The following MLLT10 variants were observed in gnomAD, a reference collection of about 807,000 sequenced individuals.
MLLT10 encodes MLLT10 histone lysine methyltransferase DOT1L cofactor.
A neutral mutation model predicts 129.1 loss-of-function variants in MLLT10; 30 were observed. The ratio of observed to expected loss-of-function variants is 0.23; its 90% CI spans 0.17 to 0.32. The LOEUF is 0.32. Ranked by LOEUF, MLLT10 falls within the 10% of genes least tolerant of loss-of-function variation. MLLT10 has a pLI of 1.00. For synonymous variants in MLLT10, 490 were observed against 446.4 expected (o/e 1.10, Z -1.23); for missense variants, 1,119 against 1,268.3 (o/e 0.88, Z 1.79).
At chr10:21,727,952 G>T in intron 16 of MLLT10, 24 bp downstream of exon 16, 2 of 1,606,644 alleles carry the variant, frequency 1.2e-6, no homozygotes, top group East Asian at 4.5e-5. Context: ...ACACTGCAAA[G>T]TATAGGCAAA....
At chr10:21,564,555 A>T (rs1256157120) in intron 3 of MLLT10, 2 of 151,618 alleles carry the variant, frequency 1.3e-5, no homozygotes, top group Non-Finnish European at 2.9e-5. Flanking sequence ...CAATTTTGGT[A>T]TATGTGCTGT....
chr10:21,726,404 T>C (rs1294990594), intron 15 of MLLT10, 49 bp downstream of exon 15: 7 of 1,338,942 alleles, frequency 5.2e-6, no homozygotes, highest in Non-Finnish European at 7.4e-6. Flanking sequence ...TCACCTACTT[T>C]AATTTTTTTC....
intron 8 of MLLT10, chr10:21,625,744 C>G: frequency 1.3e-6 from 1 of 768,602 alleles, no homozygotes. Flanking sequence ...ATGTTGTTTA[C>G]CAGGGCGAAT....
At chr10:21,538,789 GT>G (rs756203559) in intron 2 of MLLT10, 43 bp from the exon 3 acceptor site, 31 of 1,453,276 alleles carry the variant, frequency 2.1e-5, no homozygotes, top group Non-Finnish European at 2.8e-5. Context: ...TTTTTCCATA[GT>G]TCTTCGAATC....
chr10:21,632,235 G>A (rs2047076536), intron 8 of MLLT10, among the ~76,000 whole-genome samples: 1 of 152,156 alleles, frequency 6.6e-6, no homozygotes, highest in South Asian at 2.1e-4. Flanking sequence ...GAAATAGAAT[G>A]TTATGGCTAA....
intron 5 of MLLT10, among the ~76,000 whole-genome samples, chr10:21,605,335 A>G (rs1014772264): frequency 5.3e-5 from 8 of 152,158 alleles, no homozygotes; most frequent in Non-Finnish European, 1.2e-4. Flanking sequence ...TCAGGTTTGC[A>G]TCATGGTGGT....
intron 2 of MLLT10, 73 bp downstream of exon 2, chr10:21,534,877 A>G (rs1401366750): frequency 1.9e-6 from 2 of 1,080,926 alleles, no homozygotes; most frequent in East Asian, 1.1e-4. Flanking sequence ...CCTGGGCCGC[A>G]ACCGCCGGCG....
chr10:21,556,715 T>C (rs772328795), intron 3 of MLLT10: 5 of 1,612,414 alleles, frequency 3.1e-6, no homozygotes, highest in Non-Finnish European at 4.2e-6. Context: ...TCACTGCGCA[T>C]GTGCATCTCC....
chr10:21,582,319 C>T (rs2131077939), intron 3 of MLLT10, among the ~76,000 whole-genome samples: 1 of 152,042 alleles, frequency 6.6e-6, no homozygotes, highest in African/African-American at 2.4e-5. Flanking sequence ...AGGGTTTCAC[C>T]ATGTTGGCCA....
chr10:21,639,055 C>T (rs1408965947), intron 8 of MLLT10, among the ~76,000 whole-genome samples: 3 of 152,288 alleles, frequency 2.0e-5, no homozygotes, highest in African/African-American at 7.2e-5. Context: ...ATTAATTGGC[C>T]TGTGAGGCCT....
In MLLT10 at chr10:21,654,112, AG is replaced by A. The variant is rs1297382087; in HGVS notation, c.795+2346del. On this transcript the variant is annotated intron_variant, in intron 9 of 22. Transcript: ENST00000307729. ...AGGACTAGCCCTTTTAGTCATTTGG[AG>A]GTCATTACTGACCTTGAACAGTTTT... is the stretch of plus-strand genomic sequence containing the variant. Among the ~76,000 whole-genome samples, 4 of 152,306 alleles carry A rather than the reference AG, an allele frequency of 2.6e-5. No homozygotes were observed. In the East Asian group the frequency reaches 7.7e-4, roughly 29 times the overall value.
chr10:21,697,389 C>G (rs2054484215), intron 13 of MLLT10, among the ~76,000 whole-genome samples: 1 of 152,130 alleles, frequency 6.6e-6, no homozygotes, highest in Admixed American at 6.6e-5. Context: ...TCGCTTGAAC[C>G]TGGGAGGTGG....
chr10:21,612,452 GT>G lies in MLLT10; in HGVS notation c.509+2del. On this transcript the variant is annotated splice_donor_variant, in intron 6 of 22. Coordinates refer to ENST00000307729, the MANE Select transcript of MLLT10 (RefSeq NM_001195626.3). LOFTEE classifies it high-confidence loss of function. The stretch of plus-strand genomic sequence containing the variant: ...GTCGACAGGCTTTCCATGTAACATG[GT>G]AAGGATGTTTCCATTGTTGCACAGA... 6.3e-7 allele frequency: 1 copy of G among 1,598,086 alleles called. No homozygotes were observed.
intron 3 of MLLT10, among the ~76,000 whole-genome samples, chr10:21,554,388 A>G (rs1588897228): frequency 6.6e-6 from 1 of 151,310 alleles, no homozygotes; most frequent in Middle Eastern, 3.5e-3. Context: ...CTTGAAAGTG[A>G]TTCTCTCAGC....
In MLLT10 at chr10:21,546,474, C is replaced by T. The variant is rs577508019; in HGVS notation, c.240+7562C>T. ...GGCTGGAGTGCAGTGGTGTGATCTCCGCTTACTGCAACCTCCGCCTCCCAG... is the reference window on the plus strand; with the variant it reads ...GGCTGGAGTGCAGTGGTGTGATCTCTGCTTACTGCAACCTCCGCCTCCCAG... On this transcript the variant is annotated intron_variant, in intron 3 of 22. Coordinates refer to ENST00000307729, the MANE Select transcript of MLLT10 (RefSeq NM_001195626.3). Among the ~76,000 whole-genome samples, 9 of 151,134 alleles carry T rather than the reference C, an allele frequency of 6.0e-5. No individual in the cohort carries two copies. In the South Asian group the frequency reaches 6.3e-4, roughly 11 times the overall value.
At chr10:21,710,933 GTACTTACT>G (rs2056023121) in intron 13 of MLLT10, among the ~76,000 whole-genome samples, 1 of 152,122 alleles carries the variant, frequency 6.6e-6, no homozygotes, top group Admixed American at 6.5e-5. Flanking sequence ...ATCACTACAT[GTACTTACT>G]TATGCTTAAG....
At chr10:21,728,566 A>G (rs1487985584) in intron 16 of MLLT10, among the ~76,000 whole-genome samples, 1 of 152,120 alleles carries the variant, frequency 6.6e-6, no homozygotes, top group Non-Finnish European at 1.5e-5. Context: ...GGTGATAGCT[A>G]TCTCCTTATT....
At chr10:21,637,800 C>T (rs951861927) in intron 8 of MLLT10, among the ~76,000 whole-genome samples, 2 of 152,178 alleles carry the variant, frequency 1.3e-5, no homozygotes, top group Non-Finnish European at 2.9e-5. Flanking sequence ...CTACCAAGTA[C>T]CATCAGTGTG....
At chr10:21,611,070 C>T (rs1285322871) in intron 5 of MLLT10, among the ~76,000 whole-genome samples, 1 of 143,092 alleles carries the variant, frequency 7.0e-6, no homozygotes, top group Non-Finnish European at 1.5e-5. Flanking sequence ...GATCTTGGCT[C>T]ACTGTAACTT....
Sources: gnomAD v4.1 joint callset for allele counts (sites outside exome capture counted in the v4.1 genomes callset) on GRCh38, gnomAD v4.1.1 for gene constraint, MANE v1.5 for transcripts, NCBI Gene and HGNC (gene_info 2026-07-23, HGNC 2026-07-21) for gene names.